Variants in PEG3 observed in about 807,000 individuals in gnomAD.
PEG3 encodes the protein paternally expressed 3, also known as paternally-expressed gene 3 protein.
Under a neutral mutation model 35.5 loss-of-function variants are expected in PEG3, and 23 were observed. That is an observed-to-expected ratio of 0.65 (90% CI 0.47 to 0.92). PEG3 has a LOEUF of 0.92. PEG3 is among the 40% of genes least tolerant of loss of function. The probability of loss-of-function intolerance (pLI) is 0.00; values close to 1 mark genes in which losing one functional copy is unlikely to be tolerated. For synonymous variants in PEG3, 707 were observed against 697.0 expected, an observed-to-expected ratio of 1.01 and a Z score of -0.23; for missense variants, 1,960 against 1,985.3, an observed-to-expected ratio of 0.99 and a Z score of 0.24.
chr19:56,822,456 A>C, intron 6 of PEG3: 1 of 335,618 alleles, frequency 3.0e-6, no homozygotes, highest in Non-Finnish European at 5.4e-6. Context: ...ACTAGTTTTC[A>C]ATTTTTGCAG....
chr19:56,810,735 A>G lies in PEG3; in HGVS notation c.*2940T>C. ...AAGACTTTATGCACACATATTTAAC[A>G]CTGTTATCACAAGCGTGTGCACTGA... On this transcript the variant is annotated 3_prime_UTR_variant, in exon 10 of 10. Transcript: ENST00000326441. 2.0e-6 allele frequency: 2 copies of G among 984,270 alleles called. No individual in the cohort carries two copies. The highest frequency in any genetic ancestry group is 9.4e-5 in the South Asian group (2 of 21,256). 61.0% of individuals were successfully genotyped at this position (984,270 alleles called of 1,614,324 possible). A position where few individuals can be genotyped will look rare whatever the true frequency, so the allele number is the denominator to read the frequency against.
Position 56,812,558 on chromosome 19 carries a change from C to A in PEG3, c.*1117G>T. On this transcript the variant is annotated 3_prime_UTR_variant, in exon 10 of 10. Transcript: ENST00000326441. ...GCAAACTGACTTGTGGCAGCATAAG[C>A]TGATGCTGCACAGGGGACCCAAGCC... The A allele has an allele frequency of 1.0e-6, 1 of 985,774 alleles. No homozygotes were observed. The highest frequency in any genetic ancestry group is 1.2e-6 in the Non-Finnish European group (1 of 829,918). The allele number at this position is 985,774 out of a possible 1,614,324, so 61.1% of individuals were successfully genotyped here.
intron 2 of PEG3, chr19:56,833,079 G>T: frequency 4.2e-6 from 2 of 480,518 alleles, no homozygotes; most frequent in South Asian, 1.5e-5. Flanking sequence ...GAGCAGGGAA[G>T]AACTTAATGA....
chr19:56,835,986 A>G (rs772343113), intron 2 of PEG3, 32 bp downstream of exon 2: 1 of 505,900 alleles, frequency 2.0e-6, no homozygotes, highest in East Asian at 5.6e-5. Flanking sequence ...CCAAAGATGA[A>G]TGTGGCACTG....
intron 2 of PEG3, among the ~76,000 whole-genome samples, chr19:56,827,713 T>C (rs572748505): frequency 6.6e-6 from 1 of 152,320 alleles, no homozygotes; most frequent in East Asian, 1.9e-4. Context: ...AGACAAGATA[T>C]GTTATGTTTG....
intron 2 of PEG3, among the ~76,000 whole-genome samples, chr19:56,829,172 G>T (rs2061342137): frequency 6.6e-6 from 1 of 152,026 alleles, no homozygotes; most frequent in South Asian, 2.1e-4. Context: ...CCAACGTGGT[G>T]AAACTCCATC....
chr19:56,816,269 T>A lies in PEG3; in HGVS notation c.2173A>T (p.Ser725Cys). The part of the protein sequence containing the change: ...GRGYEKSVIH[S>C]GPFTESQKSH... ...TTCTGAGATTCAGTGAATGGCCCAC[T>A]ATGAATGACAGATTTCTCATACCCT... Residue 725 changes from serine (S) to cysteine (C), a missense_variant, in exon 10 of 10, where the codon AGT (serine) becomes TGT (cysteine). Physicochemically the swap from Ser to Cys is moderately radical, Grantham distance 112. Coordinates refer to ENST00000326441, the MANE Select transcript of PEG3 (RefSeq NM_006210.3). The A allele has an allele frequency of 6.2e-7, 1 of 1,613,978 alleles. No homozygotes were observed. The highest frequency in any genetic ancestry group is 8.5e-7 in the Non-Finnish European group (1 of 1,179,808).
rs2146115023 is a variant in PEG3 at position 56,813,341 on chromosome 19, T to C, written c.*334A>G. 1 of 1,067,250 alleles carries C rather than the reference T, an allele frequency of 9.4e-7. No homozygotes were observed. Among genetic ancestry groups the C allele is most frequent in the Non-Finnish European group, 1.1e-6 (1 of 872,368 alleles). The allele number at this position is 1,067,250 out of a possible 1,614,324, so 66.1% of individuals were successfully genotyped here. A position where few individuals can be genotyped will look rare whatever the true frequency, so the allele number is the denominator to read the frequency against. On this transcript the variant is annotated 3_prime_UTR_variant, in exon 10 of 10. Coordinates refer to ENST00000326441, the MANE Select transcript of PEG3 (RefSeq NM_006210.3). Reference sequence around the variant, plus strand: ...TTTATATACACCTCATGAAACACTATATATACGTTACACAAGTGTCATTTA... The same window carrying C: ...TTTATATACACCTCATGAAACACTACATATACGTTACACAAGTGTCATTTA...
At chr19:56,833,441 C>T in intron 2 of PEG3, 1 of 330,796 alleles carries the variant, frequency 3.0e-6, no homozygotes, top group Non-Finnish European at 5.9e-6. Context: ...ACATTCTCTA[C>T]TTCAGCACGC....
In PEG3 at chr19:56,813,292, C is replaced by G. The variant is rs2059666858; in HGVS notation, c.*383G>C. 1 of 935,438 alleles carries G rather than the reference C, an allele frequency of 1.1e-6. No homozygotes were observed. Among genetic ancestry groups the G allele is most frequent in the Non-Finnish European group, 1.3e-6 (1 of 779,200 alleles). 57.9% of individuals were successfully genotyped at this position (935,438 alleles called of 1,614,324 possible). On this transcript the variant is annotated 3_prime_UTR_variant, in exon 10 of 10. Coordinates refer to ENST00000326441, the MANE Select transcript of PEG3 (RefSeq NM_006210.3). Reference sequence around the variant, plus strand: ...TCATATAAATCCAAATATATGTGATCACTGTTCTGTCATAATTTGCTATTT... The same window carrying G: ...TCATATAAATCCAAATATATGTGATGACTGTTCTGTCATAATTTGCTATTT...
intron 6 of PEG3, chr19:56,822,496 GTTTT>G (rs11355455): frequency 1.5e-5 from 5 of 331,270 alleles, no homozygotes; most frequent in East Asian, 4.8e-5. Flanking sequence ...GAAACTTCCA[GTTTT>G]TTTTTTTTTA....
chr19:56,834,172 G>C (rs2061847637), intron 2 of PEG3, among the ~76,000 whole-genome samples: 1 of 152,058 alleles, frequency 6.6e-6, no homozygotes. Flanking sequence ...TTTTTAAGGG[G>C]AGGGAGTACT....
At position 56,816,728 on chromosome 19, in the gene PEG3, A is replaced by G. The variant is rs368631532; in HGVS notation, c.1714T>C (p.Phe572Leu). 6.9e-5 allele frequency: 112 copies of G among 1,614,048 alleles called. No homozygotes were observed. Among genetic ancestry groups the G allele is most frequent in the Non-Finnish European group, 9.3e-5 (110 of 1,180,058 alleles). ...TCAATCAGGGCAGAACTATGAAGGAAGGTTTCCTTACACACCCTGCACTCG... is the reference window on the plus strand; with the variant it reads ...TCAATCAGGGCAGAACTATGAAGGAGGGTTTCCTTACACACCCTGCACTCG... ...FYECRVCKETFLHSSALIEHQ... is the reference protein window; with the variant it reads ...FYECRVCKETLLHSSALIEHQ... Residue 572 changes from phenylalanine (F) to leucine (L), a missense_variant, in exon 10 of 10, where the codon TTC becomes CTC. Around this residue, in one of 5 missense-constraint regions of PEG3, gnomAD observed 798 missense variants for 782.4 expected, o/e 1.02. Transcript: ENST00000326441.
chr19:56,819,281 T>C (rs2060259601), intron 7 of PEG3, among the ~76,000 whole-genome samples: 2 of 152,214 alleles, frequency 1.3e-5, no homozygotes, highest in African/African-American at 4.8e-5. Context: ...ATGGCTACAT[T>C]GAGGGAGTCT....
Position 56,814,457 on chromosome 19 carries a change from T to C in PEG3, c.3985A>G (p.Ile1329Val), listed in dbSNP as rs370009140. ...CAATCCTTGCATTCATAGAATGGTA[T>C]AGCTCCTTTGAGGGGCTCAGTAAGA... is the stretch of plus-strand genomic sequence containing the variant. ...SFLTEPLKGAIPFYECKDCGK... is the reference protein window; with the variant it reads ...SFLTEPLKGAVPFYECKDCGK... Residue 1329 changes from isoleucine to valine, a missense_variant, in exon 10 of 10, where the codon ATA becomes GTA. By Grantham distance (29) the Ile-to-Val change is conservative. Around this residue, in one of 5 missense-constraint regions of PEG3, gnomAD observed 416 missense variants for 416.7 expected, o/e 1.00. Coordinates refer to ENST00000326441, the MANE Select transcript of PEG3 (RefSeq NM_006210.3). This position sits in a 1 kb window ranked among gnomAD's most constrained non-coding sequence, Gnocchi z 5.8. 30 of 1,613,772 alleles carry C rather than the reference T, an allele frequency of 1.9e-5. No homozygotes were observed. Among genetic ancestry groups the C allele is most frequent in the Non-Finnish European group, 2.4e-5 (28 of 1,179,752 alleles).
In PEG3 at chr19:56,814,317, T is replaced by C. The variant is rs957162240; in HGVS notation, c.4125A>G (p.Glu1375=). The C allele has an allele frequency of 2.3e-5, 37 of 1,614,026 alleles. No individual in the cohort carries two copies. Among genetic ancestry groups the C allele is most frequent in the Non-Finnish European group, 3.1e-5 (36 of 1,180,040 alleles). The change falls in exon 10 of 10, where the codon GAA becomes GAG. Residue 1375 remains glutamate, a synonymous_variant. Transcript: ENST00000326441. The surrounding 1 kb of genome is among the most constrained non-coding windows in gnomAD (Gnocchi z 5.8). Reference sequence around the variant, plus strand: ...CTACTTGTGGAACATGGACATTGGCTTCAACTTCCTGGGCTGCTGCTGCTG... The same window carrying C: ...CTACTTGTGGAACATGGACATTGGCCTCAACTTCCTGGGCTGCTGCTGCTG... ...AAAAAAAQEV[E]ANVHVPQVVL... is the part of the protein sequence containing the mutation.
intron 3 of PEG3, among the ~76,000 whole-genome samples, chr19:56,825,846 T>C (rs2060971484): frequency 6.6e-6 from 1 of 152,168 alleles, no homozygotes; most frequent in Admixed American, 6.5e-5. Context: ...AAACTGAAGG[T>C]GTTTCCATTA....
At chr19:56,829,167 G>A (rs1989003) in intron 2 of PEG3, among the ~76,000 whole-genome samples, 119,511 of 151,882 alleles carry the variant, frequency 0.79, 47,147 homozygotes, top group South Asian at 0.84. Flanking sequence ...CCTGGCCAAC[G>A]TGGTGAAACT....
chr19:56,829,682 C>A (rs568234930), intron 2 of PEG3, among the ~76,000 whole-genome samples: 1 of 152,334 alleles, frequency 6.6e-6, no homozygotes, highest in South Asian at 2.1e-4. Flanking sequence ...GTGGCCCAAC[C>A]CTTAGCCTTG....
Sources: gnomAD v4.1 joint callset for allele counts (sites outside exome capture counted in the v4.1 genomes callset) on GRCh38, gnomAD v4.1.1 for gene constraint, gnomAD v4.1.1 regional missense constraint, Gnocchi (gnomAD v3.1) non-coding constraint, MANE v1.5 for transcripts, NCBI Gene and HGNC (gene_info 2026-07-23, HGNC 2026-07-21) for gene names.